The following CAMSAP1 variants were observed in gnomAD, a reference collection of about 807,000 sequenced individuals.
CAMSAP1 encodes the protein calmodulin regulated spectrin associated protein 1.
Under a neutral mutation model 143.5 loss-of-function variants are expected in CAMSAP1, and 58 were observed. The ratio of observed to expected loss-of-function variants is 0.40; its 90% CI spans 0.33 to 0.50. CAMSAP1 has a LOEUF of 0.50. CAMSAP1 is among the 20% of genes least tolerant of loss of function. The pLI, the probability that CAMSAP1 is intolerant of heterozygous loss-of-function variation, is 0.45. For missense variants in CAMSAP1, 1,969 were observed against 2,115.7 expected (o/e 0.93, Z 1.36); for synonymous variants, 945 against 859.3 (o/e 1.10, Z -1.74).
chr9:135,816,687 C>T (rs867665562), intron 14 of CAMSAP1, among the ~76,000 whole-genome samples: 3 of 152,266 alleles, frequency 2.0e-5, no homozygotes, highest in African/African-American at 7.2e-5. Context: ...CAACAAGGAG[C>T]CATGAGACGG....
At chr9:135,855,945 G>A (rs939118656) in intron 5 of CAMSAP1, among the ~76,000 whole-genome samples, 14 of 151,800 alleles carry the variant, frequency 9.2e-5, no homozygotes, top group Admixed American at 2.6e-4. Flanking sequence ...CCAGCTACTC[G>A]GTAGGCTGAG....
At chr9:135,855,859 T>C (rs558937419) in intron 5 of CAMSAP1, among the ~76,000 whole-genome samples, 543 of 151,580 alleles carry the variant, frequency 3.6e-3, no homozygotes, top group Admixed American at 5.7e-3. Context: ...AAGACCATCC[T>C]GGCTAACACG....
chr9:135,858,892 G>GAGAGAGC (rs1403779749), intron 5 of CAMSAP1, among the ~76,000 whole-genome samples: 1 of 152,234 alleles, frequency 6.6e-6, no homozygotes, highest in South Asian at 2.1e-4. Flanking sequence ...CAGTAAGGGA[G>GAGAGAGC]AGAGAGCAGA....
intron 7 of CAMSAP1, among the ~76,000 whole-genome samples, chr9:135,842,115 G>A (rs556786118): frequency 9.9e-5 from 15 of 152,276 alleles, no homozygotes; most frequent in African/African-American, 2.6e-4. Flanking sequence ...AAGGTTAGAG[G>A]AATTGCTAAC....
chr9:135,818,224 G>T lies in CAMSAP1; in HGVS notation c.4169-145C>A. 2 of 1,107,492 alleles carry T rather than the reference G, an allele frequency of 1.8e-6. No homozygotes were observed. The highest frequency in any genetic ancestry group is 2.6e-6 in the Non-Finnish European group (2 of 781,468). The allele number at this position is 1,107,492 out of a possible 1,614,324, so 68.6% of individuals were successfully genotyped here. A position where few individuals can be genotyped will look rare whatever the true frequency, so the allele number is the denominator to read the frequency against. ...ACCCCATCCCGGGGAGCCGGGCTGC[G>T]CCTGGATGTGCCGCACATCTCAGAG... On this transcript the variant is annotated intron_variant, in intron 13 of 16. Coordinates refer to ENST00000389532, the MANE Select transcript of CAMSAP1 (RefSeq NM_015447.4). This position sits in a 1 kb window ranked among gnomAD's most constrained non-coding sequence, Gnocchi z 7.7.
In CAMSAP1 at chr9:135,882,796, G is replaced by T; in HGVS notation, c.423+20C>A. On this transcript the variant is annotated intron_variant, in intron 2 of 16. Coordinates refer to ENST00000389532, the MANE Select transcript of CAMSAP1 (RefSeq NM_015447.4). The surrounding 1 kb of genome is among the most constrained non-coding windows in gnomAD (Gnocchi z 4.9). ...GCTCCAGAGGATGGCCCCTGGGGGC[G>T]GCCACCGCAGACCACTCACCATTTT... is the stretch of plus-strand genomic sequence containing the variant. The T allele has an allele frequency of 6.5e-7, 1 of 1,542,062 alleles. No homozygotes were observed. The highest frequency in any genetic ancestry group is 8.8e-7 in the Non-Finnish European group (1 of 1,142,672).
chr9:135,851,809 C>A (rs1245215258), intron 5 of CAMSAP1, among the ~76,000 whole-genome samples: 1 of 152,252 alleles, frequency 6.6e-6, no homozygotes, highest in East Asian at 1.9e-4. Context: ...CGATTTCTCA[C>A]AATTATGACA....
intron 3 of CAMSAP1, among the ~76,000 whole-genome samples, chr9:135,869,004 A>G (rs1837480196): frequency 6.6e-6 from 1 of 152,124 alleles, no homozygotes; most frequent in South Asian, 2.1e-4. Context: ...CAGTGAAACA[A>G]TTTTCCGAAT....
intron 3 of CAMSAP1, among the ~76,000 whole-genome samples, chr9:135,879,539 C>A (rs1366343066): frequency 6.6e-6 from 1 of 152,062 alleles, no homozygotes; most frequent in African/African-American, 2.4e-5. Context: ...GAAAAAGACA[C>A]TATTTTTCAC....
In CAMSAP1 at chr9:135,820,419, A is replaced by G. The variant is rs537195631; in HGVS notation, c.3822+420T>C. 1.0e-3 allele frequency among the ~76,000 whole-genome samples: 156 copies of G among 152,226 alleles called. 1 individual carries two copies. Among genetic ancestry groups the G allele is most frequent in the Non-Finnish European group, 1.7e-3 (118 of 68,008 alleles). ...ACAAAAAATGTTTTTTGAAGTTGCT[A>G]TATCAGAGGTTGGCAAACTTCAGCC... On this transcript the variant is annotated intron_variant, in intron 11 of 16. Transcript: ENST00000389532. The surrounding 1 kb of genome is among the most constrained non-coding windows in gnomAD (Gnocchi z 4.4).
At chr9:135,852,628 G>A (rs1836821950) in intron 5 of CAMSAP1, among the ~76,000 whole-genome samples, 1 of 152,124 alleles carries the variant, frequency 6.6e-6, no homozygotes, top group African/African-American at 2.4e-5. Context: ...TCCCTGCAAA[G>A]CATCTCTTTT....
At chr9:135,888,480 G>C (rs575719833) in intron 1 of CAMSAP1, among the ~76,000 whole-genome samples, 133 of 152,262 alleles carry the variant, frequency 8.7e-4, no homozygotes, top group African/African-American at 3.1e-3. Context: ...CTCCAACTCA[G>C]CCCCAGGAAA....
intron 7 of CAMSAP1, chr9:135,836,211 C>T (rs895795581): frequency 6.6e-5 from 65 of 985,048 alleles, no homozygotes; most frequent in Non-Finnish European, 7.6e-5. Flanking sequence ...AGCCACACAT[C>T]GCCAAGTACC....
chr9:135,812,579 C>T (rs1409815526), intron 16 of CAMSAP1, among the ~76,000 whole-genome samples: 2 of 151,814 alleles, frequency 1.3e-5, no homozygotes, highest in African/African-American at 2.4e-5. Flanking sequence ...TGAAATTAGG[C>T]GGTGGTGATG....
chr9:135,885,272 C>T (rs1275459497), intron 1 of CAMSAP1, among the ~76,000 whole-genome samples: 3 of 152,206 alleles, frequency 2.0e-5, no homozygotes, highest in Non-Finnish European at 4.4e-5. Flanking sequence ...CCCAAATGTA[C>T]ATTTCTGGCC....
intron 5 of CAMSAP1, among the ~76,000 whole-genome samples, chr9:135,856,469 G>A (rs1366312825): frequency 6.6e-6 from 1 of 152,200 alleles, no homozygotes; most frequent in Non-Finnish European, 1.5e-5. Flanking sequence ...AGAGATTTAG[G>A]TAGGGACACA....
chr9:135,887,767 A>G (rs1007785067), intron 1 of CAMSAP1, among the ~76,000 whole-genome samples: 2 of 152,164 alleles, frequency 1.3e-5, no homozygotes, highest in Non-Finnish European at 2.9e-5. Flanking sequence ...TACAGGGGGC[A>G]GAGTGAAAGT....
chr9:135,861,117 C>A (rs1382915251), intron 5 of CAMSAP1, among the ~76,000 whole-genome samples: 2 of 152,180 alleles, frequency 1.3e-5, no homozygotes, highest in East Asian at 3.9e-4. Flanking sequence ...CACTCCTGGG[C>A]AGTAGGTGGA....
chr9:135,816,409 G>C (rs1188990974), intron 14 of CAMSAP1, among the ~76,000 whole-genome samples: 1 of 152,322 alleles, frequency 6.6e-6, no homozygotes, highest in Non-Finnish European at 1.5e-5. Context: ...CCTAGGGAAG[G>C]AGGGGCCACA....
Sources: allele counts gnomAD v4.1 joint callset (sites outside exome capture counted in the v4.1 genomes callset), GRCh38; gene constraint gnomAD v4.1.1; non-coding constraint Gnocchi (gnomAD v3.1); transcripts MANE v1.5; gene names NCBI Gene and HGNC (gene_info 2026-07-23, HGNC 2026-07-21).